The following EPHA6 variants were observed in gnomAD, a reference collection of about 807,000 sequenced individuals.
The protein encoded by EPHA6 is EPH receptor A6.
A neutral mutation model predicts 112.0 loss-of-function variants in EPHA6; 50 were observed. That is an observed-to-expected ratio of 0.45 (90% CI 0.36 to 0.56). The LOEUF (loss-of-function observed/expected upper bound fraction) is 0.56, where lower values mean the gene tolerates loss of function less well. Among genes scored for constraint, EPHA6 ranks in the 20% least tolerant of loss-of-function variants. The pLI, the probability that EPHA6 is intolerant of heterozygous loss-of-function variation, is 0.00. For synonymous variants in EPHA6, 529 were observed against 490.7 expected, an observed-to-expected ratio of 1.08 and a Z score of -1.03; for missense variants, 1,280 against 1,417.4, an observed-to-expected ratio of 0.90 and a Z score of 1.56.
intron 11 of EPHA6, among the ~76,000 whole-genome samples, chr3:97,551,430 CT>C: frequency 6.6e-6 from 1 of 152,256 alleles, no homozygotes; most frequent in Non-Finnish European, 1.5e-5. Context: ...TCATTTTTCT[CT>C]CATCACAATT....
intron 6 of EPHA6, among the ~76,000 whole-genome samples, chr3:97,427,251 T>G (rs1345393844): frequency 6.6e-6 from 1 of 152,216 alleles, no homozygotes; most frequent in East Asian, 1.9e-4. Flanking sequence ...TTATGTTCAC[T>G]GCAGAACCAT....
chr3:97,330,410 A>G (rs1254408254), intron 5 of EPHA6, among the ~76,000 whole-genome samples: 4 of 152,160 alleles, frequency 2.6e-5, no homozygotes, highest in African/African-American at 7.2e-5. Flanking sequence ...ACCTTGGGCA[A>G]TATGGCCATT....
intron 5 of EPHA6, among the ~76,000 whole-genome samples, chr3:97,397,262 A>G (rs2086746255): frequency 6.6e-6 from 1 of 151,674 alleles, no homozygotes; most frequent in South Asian, 2.1e-4. Flanking sequence ...ATAAAAATCA[A>G]TAGTTGCTCT....
At chr3:97,062,334 C>T (rs929066087) in intron 3 of EPHA6, among the ~76,000 whole-genome samples, 5 of 148,714 alleles carry the variant, frequency 3.4e-5, no homozygotes, top group African/African-American at 1.2e-4. Flanking sequence ...GTAAAGAGAA[C>T]TATAAAGATG....
intron 2 of EPHA6, among the ~76,000 whole-genome samples, chr3:96,941,821 G>T (rs1043953129): frequency 6.6e-6 from 1 of 152,208 alleles, no homozygotes; most frequent in Non-Finnish European, 1.5e-5. Flanking sequence ...CCAACAGACT[G>T]GACCCTCAGC....
intron 10 of EPHA6, among the ~76,000 whole-genome samples, chr3:97,525,041 C>T (rs2092599234): frequency 6.6e-6 from 1 of 152,082 alleles, no homozygotes; most frequent in Admixed American, 6.6e-5. Context: ...GTTCATATCC[C>T]TCCCAAGATT....
chr3:97,607,278 A>T (rs187027999), intron 12 of EPHA6, among the ~76,000 whole-genome samples: 31 of 151,024 alleles, frequency 2.1e-4, no homozygotes, highest in African/African-American at 6.5e-4. Context: ...GTTTTCTTTA[A>T]CAACAGCATG....
intron 13 of EPHA6, among the ~76,000 whole-genome samples, chr3:97,619,566 A>G (rs2093796571): frequency 6.6e-6 from 1 of 152,088 alleles, no homozygotes; most frequent in Admixed American, 6.6e-5. Context: ...AACTTCAGCA[A>G]ACTCTCAGGA....
At chr3:97,136,136 C>T (rs1178236964) in intron 3 of EPHA6, among the ~76,000 whole-genome samples, 1 of 152,026 alleles carries the variant, frequency 6.6e-6, no homozygotes, top group Non-Finnish European at 1.5e-5. Context: ...CCCAGTTATG[C>T]CTTTAGGACT....
At chr3:97,000,262 A>AACAC (rs368625563) in intron 3 of EPHA6, among the ~76,000 whole-genome samples, 241 of 140,556 alleles carry the variant, frequency 1.7e-3, no homozygotes, top group African/African-American at 3.9e-3. Context: ...TGTATGTATA[A>AACAC]ACACACACAC....
At chr3:97,249,701 A>G (rs912016511) in intron 5 of EPHA6, among the ~76,000 whole-genome samples, 1 of 152,190 alleles carries the variant, frequency 6.6e-6, no homozygotes, top group South Asian at 2.1e-4. Flanking sequence ...TCTTGAGGGC[A>G]TGAATGATGT....
At chr3:96,917,846 A>T (rs909558818) in intron 2 of EPHA6, among the ~76,000 whole-genome samples, 1 of 152,152 alleles carries the variant, frequency 6.6e-6, no homozygotes, top group African/African-American at 2.4e-5. Context: ...TGGCTTCATG[A>T]AAAAATAGTG....
intron 5 of EPHA6, among the ~76,000 whole-genome samples, chr3:97,283,157 T>G (rs1038314104): frequency 3.3e-5 from 5 of 152,228 alleles, no homozygotes; most frequent in African/African-American, 1.2e-4. Context: ...TTCTCTCTTA[T>G]TGACTTGGTA....
In EPHA6 at chr3:97,448,734, A is replaced by C; in HGVS notation, c.1894+4A>C. 1 of 1,612,910 alleles carries C rather than the reference A, an allele frequency of 6.2e-7. No individual in the cohort carries two copies. The highest frequency in any genetic ancestry group is 1.3e-5 in the African/African-American group (1 of 74,996). On this transcript the variant is annotated splice_donor_region_variant and intron_variant, in intron 7 of 17. Coordinates refer to ENST00000389672, the MANE Select transcript of EPHA6 (RefSeq NM_001080448.3). ...GAATTTGAAACAGGAGATGAAAGTA[A>C]GTTTCACACAAGGATATAACATAAG... is the stretch of plus-strand genomic sequence containing the variant.
chr3:96,851,757 A>G (rs2035400598), intron 1 of EPHA6, among the ~76,000 whole-genome samples: 1 of 152,112 alleles, frequency 6.6e-6, no homozygotes, highest in South Asian at 2.1e-4. Context: ...GAAAGGCCCA[A>G]AGAATTTGAT....
At chr3:97,098,343 C>T (rs1223449265) in intron 3 of EPHA6, among the ~76,000 whole-genome samples, 4 of 151,652 alleles carry the variant, frequency 2.6e-5, no homozygotes, top group Non-Finnish European at 5.9e-5. Context: ...ATTCAATTTC[C>T]AGGACTATTG....
At chr3:97,245,038 G>A (rs556654584) in intron 5 of EPHA6, among the ~76,000 whole-genome samples, 1 of 152,022 alleles carries the variant, frequency 6.6e-6, no homozygotes, top group East Asian at 1.9e-4. Context: ...AATTATATGG[G>A]CACACAAGTT....
chr3:96,910,056 A>T (rs1207986826), intron 2 of EPHA6, among the ~76,000 whole-genome samples: 1 of 152,058 alleles, frequency 6.6e-6, no homozygotes, highest in Non-Finnish European at 1.5e-5. Context: ...GAATGCCAAT[A>T]AAGTCTTTCT....
At chr3:97,195,379 C>A (rs2077413549) in intron 3 of EPHA6, among the ~76,000 whole-genome samples, 1 of 141,138 alleles carries the variant, frequency 7.1e-6, no homozygotes, top group African/African-American at 2.9e-5. Flanking sequence ...AATAAAGACC[C>A]TTTATTTTAA....
Sources: gnomAD v4.1 joint callset for allele counts (sites outside exome capture counted in the v4.1 genomes callset) on GRCh38, gnomAD v4.1.1 for gene constraint, MANE v1.5 for transcripts, NCBI Gene and HGNC (gene_info 2026-07-23, HGNC 2026-07-21) for gene names.